Variants in GPHN observed in about 807,000 individuals in gnomAD.
GPHN encodes the protein gephyrin.
In GPHN, 17 loss-of-function variants were observed where a neutral mutation model predicts 95.5. The ratio of observed to expected loss-of-function variants is 0.18; its 90% CI spans 0.12 to 0.27. The LOEUF (loss-of-function observed/expected upper bound fraction) is 0.27, where lower values mean the gene tolerates loss of function less well. Ranked by LOEUF, GPHN falls within the 10% of genes least tolerant of loss-of-function variation. The pLI is 1.00. For synonymous variants in GPHN, 320 were observed against 322.5 expected (o/e 0.99, Z 0.08); for missense variants, 660 against 978.1 (o/e 0.67, Z 4.34).
intron 2 of GPHN, among the ~76,000 whole-genome samples, chr14:66,710,402 A>G (rs1021834217): frequency 5.9e-5 from 9 of 152,172 alleles, no homozygotes; most frequent in African/African-American, 1.9e-4. Flanking sequence ...ATCTAATCTT[A>G]GTCTATGCAT....
Position 66,765,920 on chromosome 14 carries a change from T to C in GPHN, c.144-10544T>C, listed in dbSNP as rs144127622. Among the ~76,000 whole-genome samples the C allele has an allele frequency of 4.8e-3, 725 of 151,622 alleles. 7 individuals are homozygous for C. The highest frequency in any genetic ancestry group is 0.015 in the African/African-American group (634 of 41,528). On this transcript the variant is annotated intron_variant, in intron 2 of 22. Transcript: ENST00000478722. Reference sequence around the variant, plus strand: ...CAATCTTTCTTATTCAGGAATTGATTAAATAGAGACTCCAGTTCCACCTGT... The same window carrying C: ...CAATCTTTCTTATTCAGGAATTGATCAAATAGAGACTCCAGTTCCACCTGT...
chr14:66,872,579 G>A (rs1253547636), intron 4 of GPHN, among the ~76,000 whole-genome samples: 2 of 152,056 alleles, frequency 1.3e-5, no homozygotes, highest in Non-Finnish European at 2.9e-5. Flanking sequence ...GTGTATTCCA[G>A]ATTTAACTGT....
the GPHN span, among the ~76,000 whole-genome samples, chr14:67,667,518 G>T: frequency 6.6e-6 from 1 of 152,150 alleles, no homozygotes; most frequent in African/African-American, 2.4e-5. Context: ...AGGGTTAAAA[G>T]AAATAATACA....
At chr14:66,807,361 G>A (rs549703290) in intron 3 of GPHN, among the ~76,000 whole-genome samples, 1 of 152,130 alleles carries the variant, frequency 6.6e-6, no homozygotes, top group African/African-American at 2.4e-5. Flanking sequence ...TATAATTATT[G>A]TCTCTATTTC....
chr14:67,344,187 T>C, the GPHN span, among the ~76,000 whole-genome samples: 1 of 152,350 alleles, frequency 6.6e-6, no homozygotes, highest in South Asian at 2.1e-4. Context: ...GATTGTGACC[T>C]CTGTATTGTA....
At chr14:67,499,241 T>G in the GPHN span, among the ~76,000 whole-genome samples, 17 of 152,122 alleles carry the variant, frequency 1.1e-4, no homozygotes, top group African/African-American at 4.1e-4. Flanking sequence ...TGGCCTCAAG[T>G]GATCCTCCTG....
At chr14:67,587,221 C>A in the GPHN span, 1 of 1,613,776 alleles carries the variant, frequency 6.2e-7, no homozygotes, top group South Asian at 1.1e-5. Context: ...TACCAAGGGG[C>A]CAACGTTGCT....
chr14:66,541,681 A>T (rs762452438), intron 1 of GPHN, among the ~76,000 whole-genome samples: 6 of 152,218 alleles, frequency 3.9e-5, no homozygotes, highest in Non-Finnish European at 8.8e-5. Flanking sequence ...GGACACTGAC[A>T]GGCTCTGAGC....
At chr14:67,642,342 T>C in the GPHN span, 29 of 1,613,826 alleles carry the variant, frequency 1.8e-5, no homozygotes, top group Non-Finnish European at 2.4e-5. Flanking sequence ...TACAGCTGTG[T>C]CACACTGGGA....
At chr14:66,524,500 A>T (rs933138006) in intron 1 of GPHN, among the ~76,000 whole-genome samples, 1 of 152,114 alleles carries the variant, frequency 6.6e-6, no homozygotes, top group Non-Finnish European at 1.5e-5. Context: ...TTAGTTTTTT[A>T]AAAAATTATT....
intron 17 of GPHN, among the ~76,000 whole-genome samples, chr14:67,139,222 C>CAAAAAA (rs112425875): frequency 2.8e-5 from 4 of 142,526 alleles, no homozygotes; most frequent in Non-Finnish European, 6.1e-5. Flanking sequence ...TACTCCATCT[C>CAAAAAA]AAAAAAAAAA....
chr14:67,509,304 T>G, the GPHN span, among the ~76,000 whole-genome samples: 1 of 145,752 alleles, frequency 6.9e-6, no homozygotes, highest in Non-Finnish European at 1.5e-5. Context: ...CTAGTTGTGT[T>G]TAATCCACAT....
At chr14:67,239,084 A>T in the GPHN span, among the ~76,000 whole-genome samples, 3 of 152,210 alleles carry the variant, frequency 2.0e-5, no homozygotes. Flanking sequence ...TTATTTTATT[A>T]TGGTGGGGTC....
intron 5 of GPHN, among the ~76,000 whole-genome samples, chr14:66,905,660 A>C (rs1351746992): frequency 6.6e-6 from 1 of 152,070 alleles, no homozygotes; most frequent in Non-Finnish European, 1.5e-5. Flanking sequence ...TTGTGGTACA[A>C]ATGATCCCAT....
At chr14:67,562,012 G>A in the GPHN span, 1 of 1,613,840 alleles carries the variant, frequency 6.2e-7, no homozygotes, top group Non-Finnish European at 8.5e-7. Flanking sequence ...GAGCAGGTGG[G>A]ATCCCTTCAA....
At chr14:67,016,952 A>C (rs1407984147) in intron 9 of GPHN, among the ~76,000 whole-genome samples, 2 of 152,158 alleles carry the variant, frequency 1.3e-5, no homozygotes, top group South Asian at 2.1e-4. Context: ...TCACTTTCAC[A>C]TACATTACCC....
chr14:67,392,225 G>T, the GPHN span: 1 of 811,164 alleles, frequency 1.2e-6, no homozygotes, highest in South Asian at 1.4e-5. Flanking sequence ...TGTAATTGGT[G>T]CCCTCCAGCA....
At chr14:67,636,964 A>T in the GPHN span, among the ~76,000 whole-genome samples, 1 of 152,154 alleles carries the variant, frequency 6.6e-6, no homozygotes, top group Non-Finnish European at 1.5e-5. Context: ...AGAGAAAGGG[A>T]AAGTTCCCAC....
At chr14:66,775,626 C>T (rs2059353974) in intron 2 of GPHN, among the ~76,000 whole-genome samples, 1 of 152,056 alleles carries the variant, frequency 6.6e-6, no homozygotes, top group South Asian at 2.1e-4. Context: ...TTTCCTAGTT[C>T]CTTCAGTTGC....
Sources: allele counts gnomAD v4.1 joint callset (sites outside exome capture counted in the v4.1 genomes callset), GRCh38; gene constraint gnomAD v4.1.1; transcripts MANE v1.5; gene names NCBI Gene and HGNC (gene_info 2026-07-23, HGNC 2026-07-21).